Variants in PLEKHG7 observed in about 807,000 individuals in gnomAD.
PLEKHG7 encodes pleckstrin homology and RhoGEF domain containing G7, also known as pleckstrin homology domain-containing family G member 7.
A neutral mutation model predicts 85.2 loss-of-function variants in PLEKHG7; 77 were observed. That is an observed-to-expected ratio of 0.90 (90% CI 0.75 to 1.09). The LOEUF (loss-of-function observed/expected upper bound fraction) is 1.09, where lower values mean the gene tolerates loss of function less well. Ranked by LOEUF, PLEKHG7 falls within the 50% of genes least tolerant of loss-of-function variation. PLEKHG7 has a pLI of 0.00. For synonymous variants in PLEKHG7, 301 were observed against 302.4 expected (o/e 1.00, Z 0.05); for missense variants, 777 against 804.3 (o/e 0.97, Z 0.41).
intron 5 of PLEKHG7, among the ~76,000 whole-genome samples, chr12:92,734,203 T>C (rs763301402): frequency 6.6e-6 from 1 of 152,198 alleles, no homozygotes; most frequent in Non-Finnish European, 1.5e-5. Context: ...GTAATCCACA[T>C]CAATATAACA....
chr12:92,741,456 G>A, intron 8 of PLEKHG7, 35 bp from the exon 9 acceptor site: 2 of 1,402,622 alleles, frequency 1.4e-6, no homozygotes, highest in Admixed American at 1.8e-5. Context: ...CCCTGGGTGT[G>A]TGCCTATTTT....
intron 3 of PLEKHG7, among the ~76,000 whole-genome samples, chr12:92,709,329 C>T (rs1482138090): frequency 6.6e-6 from 1 of 152,220 alleles, no homozygotes; most frequent in Non-Finnish European, 1.5e-5. Context: ...CAAGAATGAC[C>T]TCCAAGCTTC....
chr12:92,705,017 C>A (rs1023533414), intron 1 of PLEKHG7, among the ~76,000 whole-genome samples: 4 of 152,200 alleles, frequency 2.6e-5, no homozygotes, highest in Non-Finnish European at 4.4e-5. Flanking sequence ...ATAGATCTAA[C>A]AACCTATTAA....
chr12:92,743,196 C>T (rs1172309839), intron 9 of PLEKHG7, among the ~76,000 whole-genome samples: 1 of 152,150 alleles, frequency 6.6e-6, no homozygotes, highest in Non-Finnish European at 1.5e-5. Context: ...TGGCCACTAC[C>T]TGGAACATTA....
chr12:92,741,409 AATG>A (rs1315188817), intron 8 of PLEKHG7, 79 bp from the exon 9 acceptor site: 4 of 826,738 alleles, frequency 4.8e-6, no homozygotes, highest in African/African-American at 3.4e-5. Context: ...CACCTGTAAG[AATG>A]ATACTTGAAG....
In PLEKHG7 at chr12:92,754,356, A is replaced by T. The variant is rs1360902523; in HGVS notation, c.1426+92A>T. ...GGCTTCCATCCTAGGAGGTAATTCC[A>T]CTGATTTGAGGTCATGGCTCTTGGA... On this transcript the variant is annotated intron_variant, in intron 11 of 16. Transcript: ENST00000344636. 2.4e-6 allele frequency: 3 copies of T among 1,275,746 alleles called. No individual in the cohort carries two copies. The East Asian group carries it at 7.4e-5, about 31-fold the overall frequency. The allele number at this position is 1,275,746 out of a possible 1,614,324, so 79.0% of individuals were successfully genotyped here.
At chr12:92,755,340 T>A (rs1872797157) in intron 11 of PLEKHG7, among the ~76,000 whole-genome samples, 1 of 152,218 alleles carries the variant, frequency 6.6e-6, no homozygotes, top group Non-Finnish European at 1.5e-5. Context: ...AATAGCAACA[T>A]GTTATTAGAA....
At chr12:92,703,174 T>A (rs1871131367) in intron 1 of PLEKHG7, 42 bp downstream of exon 1, 1 of 152,334 alleles carries the variant, frequency 6.6e-6, no homozygotes, top group South Asian at 2.1e-4. Flanking sequence ...GTTTCTCTCT[T>A]GCACTTTCCT....
At position 92,761,838 on chromosome 12, in the gene PLEKHG7, T is replaced by C. The variant is rs1873044910; in HGVS notation, c.1716+7T>C. The C allele has an allele frequency of 6.4e-7, 1 of 1,567,400 alleles. No individual in the cohort carries two copies. Among genetic ancestry groups the C allele is most frequent in the South Asian group, 1.2e-5 (1 of 82,252 alleles). ...AACTAAGTGCAACAAAAAGGTAAAA[T>C]GCTGCTATTTCAAAGTACGTTTCTA... is the stretch of plus-strand genomic sequence containing the variant. On this transcript the variant is annotated splice_region_variant and intron_variant, in intron 14 of 16. Transcript: ENST00000344636.
chr12:92,750,604 C>A (rs1872665058), intron 10 of PLEKHG7, among the ~76,000 whole-genome samples: 1 of 152,164 alleles, frequency 6.6e-6, no homozygotes, highest in African/African-American at 2.4e-5. Flanking sequence ...AGGACAGGGG[C>A]CTAACTGCTG....
intron 10 of PLEKHG7, among the ~76,000 whole-genome samples, chr12:92,749,314 CAG>C (rs72352289): frequency 0.085 from 12,889 of 152,040 alleles, 762 homozygotes; most frequent in African/African-American, 0.16. Context: ...TTTATTGAGA[CAG>C]AGTCTGACTC....
intron 11 of PLEKHG7, 111 bp downstream of exon 11, chr12:92,754,375 T>A: frequency 9.4e-7 from 1 of 1,060,028 alleles, no homozygotes; most frequent in Non-Finnish European, 1.4e-6. Context: ...AGGTCATGGC[T>A]CTTGGAAATG....
At position 92,737,480 on chromosome 12, in the gene PLEKHG7, G is replaced by A. The variant is rs752138010; in HGVS notation, c.898G>A (p.Glu300Lys). ...QEAVWELFTSECTYFLDHLLV... is the reference protein window; with the variant it reads ...QEAVWELFTSKCTYFLDHLLV... ...GGCCGTGTGGGAACTTTTCACAAGT[G>A]AATGCACCTATTTTTTGGACCATTT... Residue 300 changes from glutamate (E) to lysine (K), a missense_variant, in exon 7 of 17, where the codon GAA (glutamate) becomes AAA (lysine). Transcript: ENST00000344636. 1.2e-6 allele frequency: 2 copies of A among 1,602,204 alleles called. No homozygotes were observed. The highest frequency in any genetic ancestry group is 1.7e-6 in the Non-Finnish European group (2 of 1,177,310).
chr12:92,720,803 C>T (rs960715313), intron 3 of PLEKHG7, among the ~76,000 whole-genome samples: 1 of 152,114 alleles, frequency 6.6e-6, no homozygotes, highest in Non-Finnish European at 1.5e-5. Context: ...TTTGGGGGGG[C>T]CACCATTCAA....
chr12:92,745,361 G>T, intron 9 of PLEKHG7, 117 bp from the exon 10 acceptor site: 3 of 656,948 alleles, frequency 4.6e-6, no homozygotes, highest in East Asian at 2.5e-5. Flanking sequence ...TGATCATGGC[G>T]ACTCCTCCAC....
Position 92,772,316 on chromosome 12 carries a change from A to G in PLEKHG7, c.*2121A>G, listed in dbSNP as rs1873465071. On this transcript the variant is annotated 3_prime_UTR_variant, in exon 17 of 17. Transcript: ENST00000344636. ...CTCTACAATATTAAATGGAATGTCT[A>G]AGGCAAAATGGCATTAATAATTTCT... 1 of 151,932 alleles carries G rather than the reference A, an allele frequency of 6.6e-6. No homozygotes were observed. Among genetic ancestry groups the G allele is most frequent in the Non-Finnish European group, 1.5e-5 (1 of 67,838 alleles). 9.4% of individuals were successfully genotyped at this position (151,932 alleles called of 1,614,324 possible).
intron 9 of PLEKHG7, among the ~76,000 whole-genome samples, chr12:92,743,612 T>A (rs1872432074): frequency 6.6e-6 from 1 of 151,968 alleles, no homozygotes; most frequent in Non-Finnish European, 1.5e-5. Flanking sequence ...CAGTCTGGAG[T>A]GCGGTGGCAC....
intron 3 of PLEKHG7, among the ~76,000 whole-genome samples, chr12:92,713,374 CTG>C (rs1871401733): frequency 1.3e-5 from 2 of 152,182 alleles, no homozygotes; most frequent in African/African-American, 4.8e-5. Flanking sequence ...TCTAGGAACA[CTG>C]TAATTAATTA....
chr12:92,739,767 TAG>T (rs755770353), intron 7 of PLEKHG7, among the ~76,000 whole-genome samples: 2 of 152,206 alleles, frequency 1.3e-5, no homozygotes, highest in African/African-American at 4.8e-5. Flanking sequence ...ATAGCAAAAG[TAG>T]TATTTCTTCC....
Sources: gnomAD v4.1 joint callset for allele counts (sites outside exome capture counted in the v4.1 genomes callset) on GRCh38, gnomAD v4.1.1 for gene constraint, MANE v1.5 for transcripts, NCBI Gene and HGNC (gene_info 2026-07-23, HGNC 2026-07-21) for gene names.